Variants in PBX1 observed in about 807,000 individuals in gnomAD.
PBX1 encodes the protein PBX homeobox 1, also known as pre-B-cell leukemia transcription factor 1.
A neutral mutation model predicts 53.4 loss-of-function variants in PBX1; 6 were observed. That is an observed-to-expected ratio of 0.11 (90% CI 0.06 to 0.22). The LOEUF (loss-of-function observed/expected upper bound fraction) is 0.22, where lower values mean the gene tolerates loss of function less well. Ranked by LOEUF, PBX1 falls within the 10% of genes least tolerant of loss-of-function variation. PBX1 has a pLI of 1.00. For missense variants in PBX1, 251 were observed against 551.4 expected, an observed-to-expected ratio of 0.46 and a Z score of 5.46; for synonymous variants, 204 against 212.3, an observed-to-expected ratio of 0.96 and a Z score of 0.34.
In PBX1 at chr1:164,849,564, G is replaced by T; in HGVS notation, c.*2888G>T. On this transcript the variant is annotated 3_prime_UTR_variant, in exon 9 of 9. Transcript: ENST00000420696. ...TTTCTTCATTTTCTAATAGATGTGGGAGTGCTCCATTTTCCCCGACAGCGA... is the reference window on the plus strand; with the variant it reads ...TTTCTTCATTTTCTAATAGATGTGGTAGTGCTCCATTTTCCCCGACAGCGA... 9.1e-7 allele frequency: 1 copy of T among 1,098,804 alleles called. No homozygotes were observed. The highest frequency in any genetic ancestry group is 1.3e-6 in the Non-Finnish European group (1 of 790,384). 68.1% of individuals were successfully genotyped at this position (1,098,804 alleles called of 1,614,324 possible).
intron 2 of PBX1, among the ~76,000 whole-genome samples, chr1:164,749,750 C>T (rs1177928576): frequency 6.6e-6 from 1 of 152,148 alleles, no homozygotes; most frequent in African/African-American, 2.4e-5. Flanking sequence ...AAGCACTGTG[C>T]ATGGCTTAGG....
At chr1:164,873,308 G>A (rs1672425703) in intron 2 of PBX1, among the ~76,000 whole-genome samples, 1 of 152,204 alleles carries the variant, frequency 6.6e-6, no homozygotes, top group Admixed American at 6.5e-5. Context: ...CTCTTTGCTT[G>A]GCATGTTACT....
chr1:164,687,561 T>TAAAA (rs5778407), intron 2 of PBX1, among the ~76,000 whole-genome samples: 44 of 110,466 alleles, frequency 4.0e-4, no homozygotes, highest in African/African-American at 1.3e-3. Context: ...AGACCTTGTC[T>TAAAA]AAAAAAAAAA....
At chr1:164,580,998 TTTTG>T (rs1232910110) in intron 2 of PBX1, among the ~76,000 whole-genome samples, 7 of 152,176 alleles carry the variant, frequency 4.6e-5, no homozygotes, top group Admixed American at 6.5e-5. Context: ...AAGTCCAGCA[TTTTG>T]ACAGAAGCAT....
chr1:164,770,730 T>G (rs1339967546), intron 2 of PBX1: 1 of 152,238 alleles, frequency 6.6e-6, no homozygotes. Context: ...GCCATGTCTT[T>G]TGATGCCCTT....
intron 2 of PBX1, among the ~76,000 whole-genome samples, chr1:164,755,452 T>G (rs1272629527): frequency 6.6e-6 from 1 of 152,210 alleles, no homozygotes; most frequent in Non-Finnish European, 1.5e-5. Flanking sequence ...CCCAGCCTTT[T>G]ACTTGTGGTT....
At chr1:164,697,643 G>C (rs1662868970) in intron 2 of PBX1, among the ~76,000 whole-genome samples, 1 of 152,140 alleles carries the variant, frequency 6.6e-6, no homozygotes, top group Non-Finnish European at 1.5e-5. Context: ...CTTCCCTAGG[G>C]GGACATCTTT....
At position 164,849,582 on chromosome 1, in the gene PBX1, G is replaced by A. The variant is rs1011200783; in HGVS notation, c.*2906G>A. 3.9e-5 allele frequency: 36 copies of A among 929,102 alleles called. No individual in the cohort carries two copies. Among genetic ancestry groups the A allele is most frequent in the East Asian group, 8.2e-5 (3 of 36,524 alleles). 57.6% of individuals were successfully genotyped at this position (929,102 alleles called of 1,614,324 possible). A position where few individuals can be genotyped will look rare whatever the true frequency, so the allele number is the denominator to read the frequency against. ...GATGTGGGAGTGCTCCATTTTCCCC[G>A]ACAGCGAATTTCCCCTGAGAAACGA... On this transcript the variant is annotated 3_prime_UTR_variant, in exon 9 of 9. Transcript: ENST00000420696.
intron 5 of PBX1, among the ~76,000 whole-genome samples, chr1:164,811,058 C>T (rs924942019): frequency 6.6e-6 from 1 of 152,176 alleles, no homozygotes; most frequent in African/African-American, 2.4e-5. Context: ...GTGGGATCAA[C>T]TCCCCCTTCC....
rs570981284 is a variant in PBX1, at chr1:164,649,675, C to T, written c.265+86364C>T. Reference sequence around the variant, plus strand: ...TTGTCCTTCACATCCCTGCAGCATACTGTAGCAAACTTTCAAGTTAGCTTT... The same window carrying T: ...TTGTCCTTCACATCCCTGCAGCATATTGTAGCAAACTTTCAAGTTAGCTTT... On this transcript the variant is annotated intron_variant, in intron 2 of 8. Coordinates refer to ENST00000420696, the MANE Select transcript of PBX1 (RefSeq NM_002585.4). 3.9e-5 allele frequency among the ~76,000 whole-genome samples: 6 copies of T among 152,264 alleles called. No homozygotes were observed. The South Asian group carries it at 1.0e-3, about 26-fold the overall frequency.
chr1:164,731,177 C>A (rs1664961203), intron 2 of PBX1, among the ~76,000 whole-genome samples: 1 of 152,136 alleles, frequency 6.6e-6, no homozygotes, highest in African/African-American at 2.4e-5. Context: ...TCTCTGTAGG[C>A]TCTAGGGACT....
intron 2 of PBX1, among the ~76,000 whole-genome samples, chr1:164,636,606 C>T (rs904816222): frequency 2.6e-5 from 4 of 152,232 alleles, no homozygotes; most frequent in African/African-American, 9.6e-5. Flanking sequence ...ACTTTGGACA[C>T]CTAGTCACCT....
At chr1:164,700,502 C>G in intron 2 of PBX1, 1 of 984,736 alleles carries the variant, frequency 1.0e-6, no homozygotes, top group Non-Finnish European at 1.2e-6. Flanking sequence ...TCTTGCTACT[C>G]TTCGTAGCAA....
intron 2 of PBX1, among the ~76,000 whole-genome samples, chr1:164,637,665 C>T (rs187254307): frequency 1.2e-4 from 18 of 152,262 alleles, no homozygotes; most frequent in Admixed American, 5.2e-4. Flanking sequence ...CAAGTTTGCC[C>T]TCAGTGAGGA....
intron 2 of PBX1, among the ~76,000 whole-genome samples, chr1:164,659,852 C>A (rs1006037004): frequency 1.3e-5 from 2 of 152,152 alleles, no homozygotes; most frequent in South Asian, 4.1e-4. Flanking sequence ...CCAGCAGTAC[C>A]AGAGTCTGTC....
intron 2 of PBX1, among the ~76,000 whole-genome samples, chr1:164,701,179 T>C (rs1443536648): frequency 1.3e-5 from 2 of 152,196 alleles, no homozygotes; most frequent in Admixed American, 6.5e-5. Flanking sequence ...TGGTAAGATA[T>C]GTAGAAAGCA....
At chr1:164,813,550 A>G (rs563166203) in intron 6 of PBX1, 1 of 152,206 alleles carries the variant, frequency 6.6e-6, no homozygotes, top group Non-Finnish European at 1.5e-5. Context: ...AGACCCAACA[A>G]CACCAGTTGA....
At chr1:164,855,814 A>G (rs1228384883), downstream of PBX1, among the ~76,000 whole-genome samples, 2 of 152,236 alleles carry the variant, frequency 1.3e-5, no homozygotes, top group South Asian at 2.1e-4. Context: ...CCTGAGGGAA[A>G]CAATCCGATC....
intron 2 of PBX1, among the ~76,000 whole-genome samples, chr1:164,686,332 A>G (rs1284914251): frequency 6.6e-6 from 1 of 152,168 alleles, no homozygotes; most frequent in Non-Finnish European, 1.5e-5. Flanking sequence ...TCAAATATCA[A>G]CATTTTACCA....
Sources: gnomAD v4.1 joint callset for allele counts (sites outside exome capture counted in the v4.1 genomes callset) on GRCh38, gnomAD v4.1.1 for gene constraint, MANE v1.5 for transcripts, NCBI Gene and HGNC (gene_info 2026-07-23, HGNC 2026-07-21) for gene names.